The following VPS13B variants were observed in gnomAD, a reference collection of about 807,000 sequenced individuals.
The protein encoded by VPS13B is intermembrane lipid transfer protein VPS13B.
A neutral mutation model predicts 426.4 loss-of-function variants in VPS13B; 285 were observed. The ratio of observed to expected loss-of-function variants is 0.67; its 90% CI spans 0.61 to 0.74. VPS13B has a LOEUF of 0.74. VPS13B is among the 30% of genes least tolerant of loss of function. VPS13B has a pLI of 0.00. For synonymous variants in VPS13B, 1,676 were observed against 1,676.4 expected (o/e 1.00, Z 0.01); for missense variants, 4,537 against 4,782.6 (o/e 0.95, Z 1.51).
At position 99,171,650 on chromosome 8, in the gene VPS13B, C is replaced by G. The variant is rs1427293202; in HGVS notation, c.2333+1487C>G. On this transcript the variant is annotated intron_variant, in intron 16 of 61. Transcript: ENST00000357162. ...CAATTAAATACTGAAAGCATGAGATCACAGAATGCCAATATTTTTTGGATG... is the reference window on the plus strand; with the variant it reads ...CAATTAAATACTGAAAGCATGAGATGACAGAATGCCAATATTTTTTGGATG... Among the ~76,000 whole-genome samples, 3 of 151,790 alleles carry G rather than the reference C, an allele frequency of 2.0e-5. 1 individual carries two copies. Among genetic ancestry groups the G allele is most frequent in the Admixed American group, 1.3e-4 (2 of 15,248 alleles).
chr8:99,656,922 A>G (rs1830039095), intron 34 of VPS13B, among the ~76,000 whole-genome samples: 1 of 152,206 alleles, frequency 6.6e-6, no homozygotes, highest in Non-Finnish European at 1.5e-5. Context: ...TAACCATGCA[A>G]CCTGTATTTT....
chr8:99,544,291 C>T (rs569384219), intron 30 of VPS13B, among the ~76,000 whole-genome samples: 3 of 151,914 alleles, frequency 2.0e-5, no homozygotes, highest in East Asian at 3.9e-4. Flanking sequence ...GGGTGGGGAA[C>T]ATCACACAGC....
chr8:99,383,465 T>G (rs1813941640), intron 19 of VPS13B, among the ~76,000 whole-genome samples: 1 of 152,190 alleles, frequency 6.6e-6, no homozygotes, highest in African/African-American at 2.4e-5. Flanking sequence ...TATGGACAAA[T>G]GTACTTTTAA....
At chr8:99,284,116 TACTA>T (rs1282369624) in intron 19 of VPS13B, among the ~76,000 whole-genome samples, 2 of 152,190 alleles carry the variant, frequency 1.3e-5, no homozygotes, top group African/African-American at 4.8e-5. Context: ...CTAGCTAGGA[TACTA>T]ACTAAGGGAA....
At chr8:99,366,590 TTA>T (rs1210416015) in intron 19 of VPS13B, among the ~76,000 whole-genome samples, 1 of 151,824 alleles carries the variant, frequency 6.6e-6, no homozygotes, top group Admixed American at 6.6e-5. Context: ...GTTAGTCCAT[TTA>T]TATTCAGTGT....
At chr8:99,726,161 TAAATC>T (rs1301951162) in intron 39 of VPS13B, among the ~76,000 whole-genome samples, 1 of 152,212 alleles carries the variant, frequency 6.6e-6, no homozygotes, top group African/African-American at 2.4e-5. Context: ...TCTATAATAA[TAAATC>T]AAACTAATCA....
rs1219402592 is a variant in VPS13B, at chr8:99,374,049, A to G, written c.2825-10159A>G. On this transcript the variant is annotated intron_variant, in intron 19 of 61. Transcript: ENST00000357162. ...TCTTTGAAGGACATTTTCAATGGGT[A>G]TAGAAATCTAGGTTGAATTTTTTAA... 4.6e-5 allele frequency among the ~76,000 whole-genome samples: 7 copies of G among 152,210 alleles called. No homozygotes were observed. The East Asian group carries it at 1.2e-3, about 25-fold the overall frequency.
At chr8:99,108,145 G>C (rs1459086907) in intron 5 of VPS13B, among the ~76,000 whole-genome samples, 1 of 152,136 alleles carries the variant, frequency 6.6e-6, no homozygotes, top group South Asian at 2.1e-4. Context: ...ATGCCCTCCA[G>C]CTCTATCCAT....
intron 56 of VPS13B, among the ~76,000 whole-genome samples, chr8:99,857,119 T>C (rs1316200851): frequency 6.6e-6 from 1 of 152,222 alleles, no homozygotes; most frequent in Non-Finnish European, 1.5e-5. Flanking sequence ...TCTGCCCTTT[T>C]CTGACCAGCT....
chr8:99,470,732 A>AG, intron 24 of VPS13B, among the ~76,000 whole-genome samples: 1 of 151,868 alleles, frequency 6.6e-6, no homozygotes, highest in East Asian at 1.9e-4. Flanking sequence ...AAAAAAAAAA[A>AG]GAGGAAATAA....
chr8:99,183,781 C>A (rs1413963149), intron 16 of VPS13B, among the ~76,000 whole-genome samples: 2 of 152,002 alleles, frequency 1.3e-5, no homozygotes, highest in Non-Finnish European at 2.9e-5. Context: ...GTATAATTTA[C>A]ATACCATAAA....
At chr8:99,611,064 T>A (rs929943102) in intron 33 of VPS13B, among the ~76,000 whole-genome samples, 22 of 152,226 alleles carry the variant, frequency 1.4e-4, no homozygotes, top group African/African-American at 5.1e-4. Flanking sequence ...ATTCTCAAGT[T>A]AAATTCCCCT....
chr8:99,602,708 C>T (rs1423525325), intron 33 of VPS13B, among the ~76,000 whole-genome samples: 12 of 152,296 alleles, frequency 7.9e-5, no homozygotes, highest in Admixed American at 5.2e-4. Flanking sequence ...AATCAATGTG[C>T]AAAAATCACA....
intron 17 of VPS13B, among the ~76,000 whole-genome samples, chr8:99,224,804 A>T (rs1019174161): frequency 6.6e-6 from 1 of 152,124 alleles, no homozygotes; most frequent in Non-Finnish European, 1.5e-5. Context: ...ATTATGTTTT[A>T]AAATTTCTCT....
At chr8:99,085,130 G>T (rs921440117) in intron 3 of VPS13B, among the ~76,000 whole-genome samples, 6 of 152,014 alleles carry the variant, frequency 3.9e-5, no homozygotes, top group African/African-American at 1.4e-4. Flanking sequence ...TATGAATCTG[G>T]GTGCTCCTTT....
intron 17 of VPS13B, among the ~76,000 whole-genome samples, chr8:99,268,802 G>C (rs890579131): frequency 1.3e-5 from 2 of 152,056 alleles, no homozygotes; most frequent in African/African-American, 4.8e-5. Flanking sequence ...GATTTTGGGG[G>C]GGCCAGGGTA....
chr8:99,607,869 AT>A (rs917998146), intron 33 of VPS13B, among the ~76,000 whole-genome samples: 1 of 152,130 alleles, frequency 6.6e-6, no homozygotes, highest in African/African-American at 2.4e-5. Context: ...ATATTTCCAA[AT>A]TATAACAATT....
At chr8:99,107,450 TA>T (rs1366110208) in intron 5 of VPS13B, among the ~76,000 whole-genome samples, 2 of 152,014 alleles carry the variant, frequency 1.3e-5, no homozygotes, top group East Asian at 3.8e-4. Context: ...GATTAAAAAA[TA>T]AAATAATTGG....
At chr8:99,478,473 GT>G (rs1237481014) in intron 24 of VPS13B, among the ~76,000 whole-genome samples, 21 of 55,502 alleles carry the variant, frequency 3.8e-4, no homozygotes, top group East Asian at 1.4e-3. Flanking sequence ...TTTGTTTTTT[GT>G]TTTTTTTTTT....
Sources: gnomAD v4.1 joint callset for allele counts (sites outside exome capture counted in the v4.1 genomes callset) on GRCh38, gnomAD v4.1.1 for gene constraint, MANE v1.5 for transcripts, NCBI Gene and HGNC (gene_info 2026-07-23, HGNC 2026-07-21) for gene names.